The following PGM5 variants were observed in gnomAD, a reference collection of about 807,000 sequenced individuals.
The protein encoded by PGM5 is phosphoglucomutase-like protein 5.
Under a neutral mutation model 59.2 loss-of-function variants are expected in PGM5, and 23 were observed. That is an observed-to-expected ratio of 0.39 (90% CI 0.28 to 0.55). The LOEUF is 0.55. Among genes scored for constraint, PGM5 ranks in the 20% least tolerant of loss-of-function variants. The pLI, the probability that PGM5 is intolerant of heterozygous loss-of-function variation, is 0.66. For missense variants in PGM5, 574 were observed against 748.3 expected (o/e 0.77, Z 2.72); for synonymous variants, 214 against 286.0 (o/e 0.75, Z 2.54).
chr9:68,368,004 A>G (rs1324611284), intron 1 of PGM5, among the ~76,000 whole-genome samples: 1 of 152,188 alleles, frequency 6.6e-6, no homozygotes, highest in Non-Finnish European at 1.5e-5. Flanking sequence ...ATCTATACAG[A>G]TAGATATACA....
At chr9:68,426,684 A>C (rs1357321568) in intron 6 of PGM5, among the ~76,000 whole-genome samples, 1 of 150,986 alleles carries the variant, frequency 6.6e-6, no homozygotes, top group Non-Finnish European at 1.5e-5. Context: ...AAAGTGAATG[A>C]CCATTTTTTT....
At chr9:68,456,718 G>A (rs572006698) in intron 6 of PGM5, among the ~76,000 whole-genome samples, 8 of 148,464 alleles carry the variant, frequency 5.4e-5, no homozygotes, top group South Asian at 2.2e-4. Context: ...TCCACTTCCC[G>A]GGTTCAAGTG....
rs1452872998 is a variant in PGM5, at chr9:68,516,053, A to C, written c.1615-13514A>C. Among the ~76,000 whole-genome samples the C allele has an allele frequency of 2.0e-5, 3 of 152,238 alleles. No individual in the cohort carries two copies. The South Asian group carries it at 6.2e-4, about 31-fold the overall frequency. ...AATGCTATAGGTAGTCATGCTATCC[A>C]TCCATGTTTTACAAATAAGAAAACT... On this transcript the variant is annotated intron_variant, in intron 10 of 10. Coordinates refer to ENST00000396396, the MANE Select transcript of PGM5 (RefSeq NM_021965.4).
Position 68,357,232 on chromosome 9 carries a change from G to C in PGM5, c.105G>C (p.Glu35Asp), listed in dbSNP as rs2131963773. Reference sequence around the variant, plus strand: ...TGCGGCGACCCACCGGCCTCTTCGAGGGCCAGCGCAACTACCTGCCCAACT... The same window carrying C: ...TGCGGCGACCCACCGGCCTCTTCGACGGCCAGCGCAACTACCTGCCCAACT... Reference protein sequence around the residue: ...GGLRRPTGLFEGQRNYLPNFI... With the variant: ...GGLRRPTGLFDGQRNYLPNFI... Residue 35 changes from glutamate (E) to aspartate (D), a missense_variant, in exon 1 of 11, where the codon GAG becomes GAC. Around this residue, in one of 7 missense-constraint regions of PGM5, gnomAD observed 60 missense variants for 71.0 expected, o/e 0.85. Coordinates refer to ENST00000396396, the MANE Select transcript of PGM5 (RefSeq NM_021965.4). The C allele has an allele frequency of 6.5e-7, 1 of 1,542,056 alleles. No homozygotes were observed. Among genetic ancestry groups the C allele is most frequent in the South Asian group, 1.2e-5 (1 of 83,892 alleles).
chr9:68,510,924 T>A (rs1824738875), intron 10 of PGM5, among the ~76,000 whole-genome samples: 1 of 152,238 alleles, frequency 6.6e-6, no homozygotes, highest in Admixed American at 6.5e-5. Context: ...ATCTAAGCTT[T>A]GTCTGAAGAG....
At chr9:68,477,661 T>A (rs559597746) in intron 7 of PGM5, among the ~76,000 whole-genome samples, 1 of 152,304 alleles carries the variant, frequency 6.6e-6, no homozygotes, top group South Asian at 2.1e-4. Context: ...TGAAAGCAGG[T>A]ATTGAGGAAT....
At chr9:68,438,170 T>C (rs1587810067) in intron 6 of PGM5, among the ~76,000 whole-genome samples, 1 of 150,554 alleles carries the variant, frequency 6.6e-6, no homozygotes, top group Non-Finnish European at 1.5e-5. Context: ...ACACCTGTAG[T>C]CCCAGCTACT....
chr9:68,527,431 T>C (rs1825000897), intron 10 of PGM5, among the ~76,000 whole-genome samples: 1 of 152,086 alleles, frequency 6.6e-6, no homozygotes, highest in African/African-American at 2.4e-5. Context: ...AAGAATTACA[T>C]AACCAAAAAG....
intron 6 of PGM5, among the ~76,000 whole-genome samples, chr9:68,453,865 G>T (rs868941732): frequency 3.3e-5 from 5 of 152,240 alleles, no homozygotes; most frequent in African/African-American, 1.2e-4. Flanking sequence ...TGTGCTGAGT[G>T]TCTAACTCCT....
At chr9:68,426,616 T>TA (rs1204079106) in intron 6 of PGM5, among the ~76,000 whole-genome samples, 66 of 141,424 alleles carry the variant, frequency 4.7e-4, no homozygotes, top group African/African-American at 1.2e-3. Context: ...CTTTATTATT[T>TA]TTTTTTTTTT....
intron 1 of PGM5, among the ~76,000 whole-genome samples, chr9:68,371,461 TA>T (rs1360961728): frequency 6.6e-6 from 1 of 152,172 alleles, no homozygotes; most frequent in Non-Finnish European, 1.5e-5. Context: ...ATCTGCTATC[TA>T]AAGATGAATT....
At chr9:68,371,400 G>A (rs1174386153) in intron 1 of PGM5, among the ~76,000 whole-genome samples, 1 of 152,054 alleles carries the variant, frequency 6.6e-6, no homozygotes, top group Non-Finnish European at 1.5e-5. Flanking sequence ...ATTGACAGAG[G>A]GTAGTATTTC....
At chr9:68,455,966 G>T (rs1823768199) in intron 6 of PGM5, among the ~76,000 whole-genome samples, 1 of 152,194 alleles carries the variant, frequency 6.6e-6, no homozygotes, top group African/African-American at 2.4e-5. Context: ...ATGGCTGTTT[G>T]TCGCTGTAGA....
intron 6 of PGM5, chr9:68,405,454 C>T (rs1322022853): frequency 6.6e-6 from 1 of 152,350 alleles, no homozygotes; most frequent in Non-Finnish European, 1.5e-5. Flanking sequence ...TTCTTCTTAC[C>T]TCCTCCTACC....
At chr9:68,397,819 A>C (rs1822550433) in intron 6 of PGM5, 1 of 152,216 alleles carries the variant, frequency 6.6e-6, no homozygotes, top group Non-Finnish European at 1.5e-5. Context: ...CAAAGATCAG[A>C]AACAGGTATC....
At chr9:68,502,688 T>G (rs1192884458) in intron 10 of PGM5, among the ~76,000 whole-genome samples, 3 of 152,160 alleles carry the variant, frequency 2.0e-5, no homozygotes, top group African/African-American at 7.2e-5. Context: ...TTTGTTTGTT[T>G]GTTTGTTTGT....
rs374926182 is a variant in PGM5, at chr9:68,529,668, A to G, written c.*12A>G. The G allele has an allele frequency of 6.5e-7, 1 of 1,548,514 alleles. No individual in the cohort carries two copies. Among genetic ancestry groups the G allele is most frequent in the Non-Finnish European group, 8.8e-7 (1 of 1,132,170 alleles). On this transcript the variant is annotated 3_prime_UTR_variant, in exon 11 of 11. Coordinates refer to ENST00000396396, the MANE Select transcript of PGM5 (RefSeq NM_021965.4). Reference sequence around the variant, plus strand: ...CTGTCATCACCTGAATAGAGGAAAGATCACTCACCAGGGCCAAAGAGAGTG... The same window carrying G: ...CTGTCATCACCTGAATAGAGGAAAGGTCACTCACCAGGGCCAAAGAGAGTG...
chr9:68,448,899 G>A lies in PGM5; in HGVS notation c.1044-16194G>A, dbSNP rs113692615. Among the ~76,000 whole-genome samples the A allele has an allele frequency of 4.3e-3, 661 of 152,256 alleles. 2 individuals carry two copies. The highest frequency in any genetic ancestry group is 0.015 in the African/African-American group (606 of 41,548). Reference sequence around the variant, plus strand: ...GTCTCTCTGGGGAACCCCAGGAGGGGCCTCTCATTCTAGACTTCTTCACCC... The same window carrying A: ...GTCTCTCTGGGGAACCCCAGGAGGGACCTCTCATTCTAGACTTCTTCACCC... On this transcript the variant is annotated intron_variant, in intron 6 of 10. Coordinates refer to ENST00000396396, the MANE Select transcript of PGM5 (RefSeq NM_021965.4).
chr9:68,420,872 T>C (rs1323115227), intron 6 of PGM5, among the ~76,000 whole-genome samples: 2 of 152,152 alleles, frequency 1.3e-5, no homozygotes, highest in Admixed American at 1.3e-4. Context: ...CCTCATGTGG[T>C]GGTTATGAAA....
Sources: gnomAD v4.1 joint callset for allele counts (sites outside exome capture counted in the v4.1 genomes callset) on GRCh38, gnomAD v4.1.1 for gene constraint, gnomAD v4.1.1 regional missense constraint, MANE v1.5 for transcripts, NCBI Gene and HGNC (gene_info 2026-07-23, HGNC 2026-07-21) for gene names.